ADGRL4: variants seen among roughly 807,000 people sequenced by gnomAD.
The protein encoded by ADGRL4 is adhesion G protein-coupled receptor L4.
ADGRL4 carries 90 observed loss-of-function variants against 74.8 expected under a neutral mutation model. The ratio of observed to expected loss-of-function variants is 1.20; its 90% confidence interval spans 1.02 to 1.43. ADGRL4 has a LOEUF of 1.43. Among genes scored for constraint, ADGRL4 ranks in the 40% most tolerant of loss-of-function variants. The pLI, the probability that ADGRL4 is intolerant of heterozygous loss-of-function variation, is 0.00. For synonymous variants in ADGRL4, 311 were observed against 279.2 expected, an observed-to-expected ratio of 1.11 and a Z score of -1.14; for missense variants, 881 against 814.3, an observed-to-expected ratio of 1.08 and a Z score of -1.00.
intron 2 of ADGRL4, among the ~76,000 whole-genome samples, chr1:78,997,101 T>C (rs959442028): frequency 1.2e-4 from 19 of 152,116 alleles, no homozygotes; most frequent in Admixed American, 1.1e-3. Flanking sequence ...AACACATTGA[T>C]GATCACCTTG....
intron 12 of ADGRL4, among the ~76,000 whole-genome samples, chr1:78,914,889 GT>G (rs537769279): frequency 4.3e-4 from 65 of 151,876 alleles, no homozygotes; most frequent in African/African-American, 1.5e-3. Context: ...TATAATTTTG[GT>G]TTAGTCTGGT....
intron 12 of ADGRL4, among the ~76,000 whole-genome samples, chr1:78,913,260 C>T (rs1271224135): frequency 6.6e-6 from 1 of 151,850 alleles, no homozygotes; most frequent in Non-Finnish European, 1.5e-5. Flanking sequence ...ACAGAACTAC[C>T]ATTTGACCCA....
In ADGRL4 at chr1:79,006,727, C is replaced by T; in HGVS notation, c.-73G>A. The stretch of plus-strand genomic sequence containing the variant: ...GTGCGGCTGTGGACCCGGGACCGGG[C>T]GCCGCTGGGCGGGCGCGGCAGGGTC... On this transcript the variant is annotated 5_prime_UTR_variant, in exon 1 of 15. Transcript: ENST00000370742. The T allele has an allele frequency of 2.2e-6, 3 of 1,388,118 alleles. No individual in the cohort carries two copies. The highest frequency in any genetic ancestry group is 2.8e-6 in the Non-Finnish European group (3 of 1,068,978). 86.0% of individuals were successfully genotyped at this position (1,388,118 alleles called of 1,614,324 possible).
intron 2 of ADGRL4, among the ~76,000 whole-genome samples, chr1:78,988,405 A>C (rs761330502): frequency 1.3e-5 from 2 of 151,848 alleles, no homozygotes; most frequent in Non-Finnish European, 2.9e-5. Context: ...TTAGCTCTCT[A>C]CTTTTCATTT....
At chr1:78,999,661 T>C (rs1650797003) in intron 2 of ADGRL4, among the ~76,000 whole-genome samples, 1 of 152,210 alleles carries the variant, frequency 6.6e-6, no homozygotes, top group Non-Finnish European at 1.5e-5. Context: ...AGGAAATGTA[T>C]GATGGTACAG....
chr1:78,960,813 A>T (rs558787619), intron 2 of ADGRL4, among the ~76,000 whole-genome samples: 1 of 152,136 alleles, frequency 6.6e-6, no homozygotes, highest in Non-Finnish European at 1.5e-5. Flanking sequence ...GGCACCAAAA[A>T]GCAGATCCTC....
At chr1:78,950,687 T>G (rs1649704923) in intron 2 of ADGRL4, among the ~76,000 whole-genome samples, 1 of 152,142 alleles carries the variant, frequency 6.6e-6, no homozygotes, top group African/African-American at 2.4e-5. Context: ...TATATCATAT[T>G]TTGCTTTTCT....
intron 2 of ADGRL4, among the ~76,000 whole-genome samples, chr1:78,951,787 C>A (rs1310364842): frequency 6.6e-6 from 1 of 152,110 alleles, no homozygotes; most frequent in South Asian, 2.1e-4. Flanking sequence ...TTAAGACTGT[C>A]TGACTCCAAA....
chr1:78,956,445 T>C (rs1168436380), intron 2 of ADGRL4, among the ~76,000 whole-genome samples: 1 of 152,140 alleles, frequency 6.6e-6, no homozygotes, highest in Admixed American at 6.6e-5. Context: ...TATTTATGAG[T>C]CAACAAGTTC....
intron 12 of ADGRL4, among the ~76,000 whole-genome samples, chr1:78,893,745 C>G (rs1648338185): frequency 6.6e-6 from 1 of 151,794 alleles, no homozygotes; most frequent in Non-Finnish European, 1.5e-5. Context: ...ACCGTGGATG[C>G]TTTCAAAATG....
intron 12 of ADGRL4, among the ~76,000 whole-genome samples, chr1:78,901,757 T>A (rs980586828): frequency 6.6e-6 from 1 of 152,176 alleles, no homozygotes; most frequent in Non-Finnish European, 1.5e-5. Flanking sequence ...CACCCCCACA[T>A]ATAGCTACAT....
At position 78,891,098 on chromosome 1, in the gene ADGRL4, CCA is replaced by C; in HGVS notation, c.*54_*55del. 6.5e-7 allele frequency: 1 copy of C among 1,540,324 alleles called. No individual in the cohort carries two copies. Among genetic ancestry groups the C allele is most frequent in the Non-Finnish European group, 9.0e-7 (1 of 1,114,130 alleles). On this transcript the variant is annotated 3_prime_UTR_variant, in exon 15 of 15. Coordinates refer to ENST00000370742, the MANE Select transcript of ADGRL4 (RefSeq NM_022159.4). The stretch of plus-strand genomic sequence containing the variant: ...TGAGTCATTTTTATACATTGGTCAT[CCA>C]CAGCTTGGAATTTTTATTTTTGTGC...
chr1:78,985,723 T>C (rs1283475707), intron 2 of ADGRL4, among the ~76,000 whole-genome samples: 1 of 151,872 alleles, frequency 6.6e-6, no homozygotes, highest in Non-Finnish European at 1.5e-5. Context: ...CATGCATGCG[T>C]ATGTTTATCA....
At chr1:78,912,793 A>G (rs1036648422) in intron 12 of ADGRL4, among the ~76,000 whole-genome samples, 1 of 151,930 alleles carries the variant, frequency 6.6e-6, no homozygotes, top group Non-Finnish European at 1.5e-5. Flanking sequence ...GGCAAATGTG[A>G]ACTAATTAAA....
chr1:78,922,937 T>C lies in ADGRL4; in HGVS notation c.1084-1151A>G, dbSNP rs537518859. Among the ~76,000 whole-genome samples, 4 of 152,102 alleles carry C rather than the reference T, an allele frequency of 2.6e-5. No homozygotes were observed. The East Asian group carries it at 7.8e-4, about 30-fold the overall frequency. ...TCTTCAAGGATGATAGAAACTCAGA[T>C]GATTTAAATACAATAAGATAATTGT... is the stretch of plus-strand genomic sequence containing the variant. On this transcript the variant is annotated intron_variant, in intron 8 of 14. Coordinates refer to ENST00000370742, the MANE Select transcript of ADGRL4 (RefSeq NM_022159.4).
chr1:79,003,749 T>A (rs2100745200), intron 2 of ADGRL4, among the ~76,000 whole-genome samples: 1 of 152,180 alleles, frequency 6.6e-6, no homozygotes, highest in East Asian at 1.9e-4. Flanking sequence ...TATGAAGTAC[T>A]ATGGTACAAT....
chr1:78,899,289 T>C (rs1648468329), intron 12 of ADGRL4, among the ~76,000 whole-genome samples: 1 of 152,234 alleles, frequency 6.6e-6, no homozygotes, highest in Non-Finnish European at 1.5e-5. Context: ...ACTGGCCTAC[T>C]GAATAGCCAT....
chr1:78,949,886 A>C (rs1489392), intron 2 of ADGRL4, among the ~76,000 whole-genome samples: 2 of 151,952 alleles, frequency 1.3e-5, no homozygotes, highest in African/African-American at 2.4e-5. Flanking sequence ...TGTTTTAATA[A>C]GGAAAAATAT....
intron 2 of ADGRL4, among the ~76,000 whole-genome samples, chr1:78,975,006 C>A (rs1650248407): frequency 6.6e-6 from 1 of 152,124 alleles, no homozygotes; most frequent in African/African-American, 2.4e-5. Context: ...ATCATAGTTA[C>A]CTGTTTCATA....
Sources: gnomAD v4.1 joint callset for allele counts (sites outside exome capture counted in the v4.1 genomes callset) on GRCh38, gnomAD v4.1.1 for gene constraint, MANE v1.5 for transcripts, NCBI Gene and HGNC (gene_info 2026-07-23, HGNC 2026-07-21) for gene names.